The following MAPK10 variants were observed in gnomAD, a reference collection of about 807,000 sequenced individuals.
MAPK10 encodes the protein JNK3 alpha protein kinase.
Under a neutral mutation model 59.3 loss-of-function variants are expected in MAPK10, and 25 were observed. The ratio of observed to expected loss-of-function variants is 0.42; its 90% CI spans 0.31 to 0.59. The LOEUF (loss-of-function observed/expected upper bound fraction) is 0.59, where lower values mean the gene tolerates loss of function less well. Among genes scored for constraint, MAPK10 ranks in the 20% least tolerant of loss-of-function variants. The pLI, the probability that MAPK10 is intolerant of heterozygous loss-of-function variation, is 0.15. For synonymous variants in MAPK10, 190 were observed against 200.5 expected (o/e 0.95, Z 0.44); for missense variants, 351 against 568.9 (o/e 0.62, Z 3.90).
intron 2 of MAPK10, among the ~76,000 whole-genome samples, chr4:86,237,698 G>T (rs539102761): frequency 4.0e-5 from 6 of 151,870 alleles, no homozygotes; most frequent in South Asian, 2.1e-4. Flanking sequence ...CTTTTTGATG[G>T]TTTTTTTATT....
chr4:86,443,859 G>A (rs895161228), intron 1 of MAPK10, among the ~76,000 whole-genome samples: 5 of 151,978 alleles, frequency 3.3e-5, no homozygotes, highest in African/African-American at 9.7e-5. Context: ...GGGCACAAAC[G>A]GAAAAAGTAG....
At chr4:86,329,949 T>C (rs2096115743) in intron 2 of MAPK10, among the ~76,000 whole-genome samples, 1 of 152,216 alleles carries the variant, frequency 6.6e-6, no homozygotes, top group Admixed American at 6.5e-5. Context: ...GGCAGAGGCA[T>C]ATATTCTCCA....
chr4:86,467,922 A>G (rs1752348558), intron 1 of MAPK10, among the ~76,000 whole-genome samples: 1 of 152,092 alleles, frequency 6.6e-6, no homozygotes, highest in Admixed American at 6.5e-5. Context: ...AGACTCATAG[A>G]TGTGCCCCTT....
intron 11 of MAPK10, among the ~76,000 whole-genome samples, chr4:86,045,813 T>A (rs1470205293): frequency 6.6e-6 from 1 of 151,454 alleles, no homozygotes; most frequent in African/African-American, 2.4e-5. Flanking sequence ...GCATATACCC[T>A]TTCTTCTGCT....
chr4:86,562,093 T>C (rs1370761782), intron 1 of MAPK10, among the ~76,000 whole-genome samples: 1 of 152,162 alleles, frequency 6.6e-6, no homozygotes, highest in Non-Finnish European at 1.5e-5. Flanking sequence ...TGGTGGCTCA[T>C]GTCTGTAATT....
intron 1 of MAPK10, among the ~76,000 whole-genome samples, chr4:86,428,979 T>C (rs535255992): frequency 6.6e-6 from 1 of 152,178 alleles, no homozygotes; most frequent in Non-Finnish European, 1.5e-5. Flanking sequence ...TCTTGCGGGG[T>C]TTTTCTGTTT....
intron 1 of MAPK10, among the ~76,000 whole-genome samples, chr4:86,492,029 G>A (rs958795361): frequency 2.0e-5 from 3 of 152,078 alleles, no homozygotes; most frequent in African/African-American, 7.2e-5. Flanking sequence ...TGCAGACAGC[G>A]GTTTGTTAAT....
intron 2 of MAPK10, among the ~76,000 whole-genome samples, chr4:86,322,801 G>C (rs1483335879): frequency 2.0e-5 from 3 of 152,158 alleles, no homozygotes; most frequent in African/African-American, 7.2e-5. Flanking sequence ...GCTCATCGAA[G>C]TCATTCCATA....
intron 3 of MAPK10, chr4:86,176,109 A>C (rs1175943799): frequency 6.6e-6 from 1 of 152,222 alleles, no homozygotes; most frequent in African/African-American, 2.4e-5. Flanking sequence ...GTTATCATGC[A>C]TCATACTTTC....
chr4:86,043,272 T>C (rs1043439863), intron 11 of MAPK10, among the ~76,000 whole-genome samples: 5 of 152,124 alleles, frequency 3.3e-5, no homozygotes, highest in African/African-American at 1.2e-4. Flanking sequence ...ACAACCCACA[T>C]TGAGCAATGG....
At chr4:86,381,932 G>A (rs1740776654) in intron 1 of MAPK10, among the ~76,000 whole-genome samples, 1 of 152,080 alleles carries the variant, frequency 6.6e-6, no homozygotes, top group African/African-American at 2.4e-5. Flanking sequence ...ACTCTATGGG[G>A]CAGGAATGGG....
intron 1 of MAPK10, among the ~76,000 whole-genome samples, chr4:86,490,434 A>G (rs943093436): frequency 3.3e-5 from 5 of 152,350 alleles, no homozygotes; most frequent in Admixed American, 6.5e-5. Context: ...TTCTAGCCCT[A>G]TAAGGAGAAT....
chr4:86,483,299 A>G (rs989188461), intron 1 of MAPK10, among the ~76,000 whole-genome samples: 1 of 152,188 alleles, frequency 6.6e-6, no homozygotes, highest in African/African-American at 2.4e-5. Context: ...ATTTTAGGTC[A>G]GTTAACAACT....
intron 1 of MAPK10, among the ~76,000 whole-genome samples, chr4:86,560,631 A>G (rs1230489128): frequency 1.3e-5 from 2 of 152,240 alleles, no homozygotes. Context: ...CTAACAGCTA[A>G]TCTAAAGTAG....
At chr4:86,279,229 T>C (rs936394047) in intron 2 of MAPK10, among the ~76,000 whole-genome samples, 8 of 152,176 alleles carry the variant, frequency 5.3e-5, no homozygotes, top group African/African-American at 1.4e-4. Context: ...TTTATCATTA[T>C]ACAAAACACA....
intron 1 of MAPK10, among the ~76,000 whole-genome samples, chr4:86,374,522 G>GCTA (rs1208737830): frequency 5.3e-5 from 8 of 152,140 alleles, no homozygotes; most frequent in African/African-American, 1.9e-4. Flanking sequence ...CTATGGAAAG[G>GCTA]TGGCAGTCAG....
chr4:86,538,155 T>TC (rs1487700959), intron 1 of MAPK10, among the ~76,000 whole-genome samples: 1 of 152,062 alleles, frequency 6.6e-6, no homozygotes, highest in Non-Finnish European at 1.5e-5. Context: ...ATAAATCTTT[T>TC]TTTTTTTTTA....
intron 4 of MAPK10, among the ~76,000 whole-genome samples, chr4:86,116,252 A>G (rs889943521): frequency 6.6e-6 from 1 of 152,212 alleles, no homozygotes; most frequent in Admixed American, 6.5e-5. Context: ...CTGTCAGCCA[A>G]CCAGATGGAC....
At chr4:86,100,709 A>C (rs1457226963) in intron 8 of MAPK10, 2 of 175,880 alleles carry the variant, frequency 1.1e-5, no homozygotes, top group African/African-American at 4.7e-5. Flanking sequence ...TTCTGCTTTC[A>C]CACTCATGCT....
Sources: gnomAD v4.1 joint callset for allele counts (sites outside exome capture counted in the v4.1 genomes callset) on GRCh38, gnomAD v4.1.1 for gene constraint, MANE v1.5 for transcripts, NCBI Gene and HGNC (gene_info 2026-07-23, HGNC 2026-07-21) for gene names.